The following SGCZ variants were observed in gnomAD, a reference collection of about 807,000 sequenced individuals.
SGCZ encodes sarcoglycan zeta, also known as zeta-sarcoglycan.
In SGCZ, 40 loss-of-function variants were observed where a neutral mutation model predicts 41.3. The ratio of observed to expected loss-of-function variants is 0.97; its 90% CI spans 0.75 to 1.26. The LOEUF (loss-of-function observed/expected upper bound fraction) is 1.26. Among genes scored for constraint, SGCZ ranks in the 50% most tolerant of loss-of-function variants. The pLI is 0.00. For synonymous variants in SGCZ, 206 were observed against 137.5 expected (o/e 1.50, Z -3.49); for missense variants, 552 against 369.8 (o/e 1.49, Z -4.04).
intron 2 of SGCZ, among the ~76,000 whole-genome samples, chr8:14,551,594 ATAT>A (rs1803863384): frequency 2.0e-5 from 1 of 49,106 alleles, no homozygotes; most frequent in Non-Finnish European, 3.2e-5. Context: ...TATATAATAT[ATAT>A]TATATATATT....
At chr8:14,836,235 G>A (rs1280648999) in intron 1 of SGCZ, among the ~76,000 whole-genome samples, 1 of 152,042 alleles carries the variant, frequency 6.6e-6, no homozygotes, top group Non-Finnish European at 1.5e-5. Flanking sequence ...ATCTATTTGA[G>A]CCAATGAACT....
At chr8:14,259,406 A>G (rs1018102819) in intron 3 of SGCZ, among the ~76,000 whole-genome samples, 10 of 151,298 alleles carry the variant, frequency 6.6e-5, no homozygotes, top group African/African-American at 7.3e-5. Flanking sequence ...CCTGAATGGT[A>G]ATGCCTAGGT....
chr8:14,403,745 G>C (rs1025321792), intron 2 of SGCZ, among the ~76,000 whole-genome samples: 1 of 151,910 alleles, frequency 6.6e-6, no homozygotes, highest in African/African-American at 2.4e-5. Flanking sequence ...TCTTCCATAG[G>C]TCTGTGCCTT....
chr8:14,127,443 T>C (rs1802896693), intron 5 of SGCZ, among the ~76,000 whole-genome samples: 1 of 152,068 alleles, frequency 6.6e-6, no homozygotes, highest in South Asian at 2.1e-4. Context: ...GATTTATTTA[T>C]TCATTTTTAT....
At chr8:14,250,555 T>C (rs1404140100) in intron 3 of SGCZ, among the ~76,000 whole-genome samples, 1 of 152,130 alleles carries the variant, frequency 6.6e-6, no homozygotes, top group Non-Finnish European at 1.5e-5. Flanking sequence ...CCTGAGGTCC[T>C]AGAGCGATAT....
At chr8:14,357,258 G>C (rs1803333819) in intron 2 of SGCZ, among the ~76,000 whole-genome samples, 1 of 152,114 alleles carries the variant, frequency 6.6e-6, no homozygotes, top group African/African-American at 2.4e-5. Context: ...ATACCATCAA[G>C]AAGTATGTAT....
chr8:15,217,228 T>G, intron 1 of SGCZ, among the ~76,000 whole-genome samples: 1 of 151,554 alleles, frequency 6.6e-6, no homozygotes, highest in East Asian at 1.9e-4. Flanking sequence ...CCATCTTGGC[T>G]AACACGGTGA....
intron 3 of SGCZ, among the ~76,000 whole-genome samples, chr8:14,243,350 C>A (rs1798959255): frequency 6.6e-6 from 1 of 152,168 alleles, no homozygotes; most frequent in Non-Finnish European, 1.5e-5. Context: ...GTCAGAAATA[C>A]TTCTTGAATG....
intron 1 of SGCZ, among the ~76,000 whole-genome samples, chr8:14,616,338 A>T (rs1193839839): frequency 6.6e-6 from 1 of 151,954 alleles, no homozygotes; most frequent in Non-Finnish European, 1.5e-5. Flanking sequence ...TGCACAGATG[A>T]TCACCATTAC....
At chr8:14,196,697 C>T (rs1302277770) in intron 4 of SGCZ, among the ~76,000 whole-genome samples, 1 of 151,926 alleles carries the variant, frequency 6.6e-6, no homozygotes, top group Admixed American at 6.6e-5. Flanking sequence ...GGAATATATT[C>T]AGAAGTAAAA....
At chr8:14,774,150 A>G (rs1022682460) in intron 1 of SGCZ, among the ~76,000 whole-genome samples, 1 of 152,178 alleles carries the variant, frequency 6.6e-6, no homozygotes, top group Non-Finnish European at 1.5e-5. Context: ...AGCTTTATAC[A>G]ATTAGTCTAA....
At chr8:14,995,972 C>T (rs1034088402) in intron 1 of SGCZ, among the ~76,000 whole-genome samples, 3 of 151,642 alleles carry the variant, frequency 2.0e-5, no homozygotes, top group South Asian at 2.1e-4. Flanking sequence ...GGTGTGATCT[C>T]GCCTCACTGC....
intron 1 of SGCZ, among the ~76,000 whole-genome samples, chr8:14,776,231 C>T (rs1389321397): frequency 1.3e-5 from 2 of 152,014 alleles, no homozygotes; most frequent in Non-Finnish European, 1.5e-5. Flanking sequence ...GTAATAATCC[C>T]CACATGTCAA....
At chr8:15,164,641 T>TTTG (rs1368606905) in intron 1 of SGCZ, among the ~76,000 whole-genome samples, 1 of 150,646 alleles carries the variant, frequency 6.6e-6, no homozygotes, top group Non-Finnish European at 1.5e-5. Context: ...TTAAGCAAGT[T>TTTG]TTTTTTTTTT....
intron 1 of SGCZ, among the ~76,000 whole-genome samples, chr8:14,917,783 T>C (rs1430560551): frequency 6.6e-6 from 1 of 152,132 alleles, no homozygotes; most frequent in Non-Finnish European, 1.5e-5. Context: ...AAAAACTAAA[T>C]GATTTCGTGT....
chr8:14,900,395 C>A (rs541300560), intron 1 of SGCZ, among the ~76,000 whole-genome samples: 51 of 152,128 alleles, frequency 3.4e-4, no homozygotes, highest in Non-Finnish European at 5.7e-4. Context: ...TGAAAGCTAC[C>A]CCACAGTCAG....
intron 2 of SGCZ, among the ~76,000 whole-genome samples, chr8:14,461,118 T>C (rs1800889894): frequency 6.6e-6 from 1 of 152,072 alleles, no homozygotes; most frequent in Non-Finnish European, 1.5e-5. Context: ...CCTCATCCAA[T>C]CAGGTTCCTT....
intron 1 of SGCZ, among the ~76,000 whole-genome samples, chr8:14,923,169 C>A (rs543457675): frequency 6.6e-6 from 1 of 152,264 alleles, no homozygotes; most frequent in South Asian, 2.1e-4. Flanking sequence ...CTTCAGAGTA[C>A]AGATTTGGTT....
chr8:15,232,515 G>A (rs986857532), intron 1 of SGCZ, among the ~76,000 whole-genome samples: 9 of 151,834 alleles, frequency 5.9e-5, no homozygotes, highest in Middle Eastern at 3.4e-3. Flanking sequence ...CTCATATCAA[G>A]TATGTTCCCT....
Sources: gnomAD v4.1 joint callset for allele counts (sites outside exome capture counted in the v4.1 genomes callset) on GRCh38, gnomAD v4.1.1 for gene constraint, MANE v1.5 for transcripts, NCBI Gene and HGNC (gene_info 2026-07-23, HGNC 2026-07-21) for gene names.